The following CACNA1A variants were observed in gnomAD, a reference collection of about 807,000 sequenced individuals.
CACNA1A encodes voltage-dependent P/Q-type calcium channel subunit alpha-1A.
In CACNA1A, 57 loss-of-function variants were observed where a neutral mutation model predicts 262.4. The observed-to-expected ratio is 0.22, with a 90% confidence interval of 0.18 to 0.27. CACNA1A has a LOEUF of 0.27. CACNA1A is among the 10% of genes least tolerant of loss of function. CACNA1A has a pLI of 1.00. For synonymous variants in CACNA1A, 1,431 were observed against 1,419.3 expected, an observed-to-expected ratio of 1.01 and a Z score of -0.18; for missense variants, 2,526 against 3,562.8, an observed-to-expected ratio of 0.71 and a Z score of 7.41.
intron 3 of CACNA1A, among the ~76,000 whole-genome samples, chr19:13,390,733 T>C (rs891514061): frequency 2.6e-5 from 4 of 152,144 alleles, no homozygotes; most frequent in African/African-American, 7.2e-5. Context: ...TATTAACTCA[T>C]TCAAAACTCA....
Position 13,360,263 on chromosome 19 carries a change from G to GTATA in CACNA1A, c.785-465_785-464insTATA, listed in dbSNP as rs1194785047. Among the ~76,000 whole-genome samples, 16 of 66,274 alleles carry GTATA rather than the reference G, an allele frequency of 2.4e-4. 1 individual carries two copies. In the East Asian group the frequency reaches 0.015, roughly 60 times the overall value. 43.5% of individuals were successfully genotyped at this position (66,274 alleles called of 152,430 possible). ...TTATTAGGTGTCTGTGTGTGTGTGT[G>GTATA]TGTATATATATATATATATATATGA... On this transcript the variant is annotated intron_variant, in intron 5 of 46. Transcript: ENST00000360228.
chr19:13,487,123 C>T (rs144750401), intron 1 of CACNA1A, among the ~76,000 whole-genome samples: 55 of 152,356 alleles, frequency 3.6e-4, no homozygotes, highest in African/African-American at 1.3e-3. Context: ...CTCTCCCCAT[C>T]ATTAATTTCA....
intron 38 of CACNA1A, among the ~76,000 whole-genome samples, chr19:13,220,711 G>A (rs2055189001): frequency 6.6e-6 from 1 of 152,052 alleles, no homozygotes; most frequent in African/African-American, 2.4e-5. Flanking sequence ...CTGCAGCCTT[G>A]ACATCCCAGT....
intron 3 of CACNA1A, among the ~76,000 whole-genome samples, chr19:13,424,634 AACTT>A (rs2060370726): frequency 6.6e-6 from 1 of 151,242 alleles, no homozygotes; most frequent in Non-Finnish European, 1.5e-5. Context: ...CATGCACACT[AACTT>A]ATTTTATTTT....
At position 13,332,817 on chromosome 19, in the gene CACNA1A, C is replaced by G; in HGVS notation, c.1255+52G>C. The G allele has an allele frequency of 2.4e-6, 3 of 1,245,852 alleles. No homozygotes were observed. In the East Asian group the frequency reaches 7.0e-5, roughly 29 times the overall value. The allele number at this position is 1,245,852 out of a possible 1,614,324, so 77.2% of individuals were successfully genotyped here. ...GCTCTCCCCCGACTCCCCACCACAG[C>G]TTCTCCCTTCTCCCCTGGGACCCAC... On this transcript the variant is annotated intron_variant, in intron 9 of 46. Coordinates refer to ENST00000360228, the MANE Select transcript of CACNA1A (RefSeq NM_001127222.2).
chr19:13,372,520 A>G (rs1393549542), intron 3 of CACNA1A, among the ~76,000 whole-genome samples: 1 of 152,120 alleles, frequency 6.6e-6, no homozygotes, highest in African/African-American at 2.4e-5. Flanking sequence ...CAGTGTTAAG[A>G]GCCCAGCCTG....
chr19:13,207,839 C>A lies in CACNA1A; in HGVS notation c.6995G>T (p.Arg2332Leu). The change falls in exon 47 of 47, where the codon CGG (arginine) becomes CTG (leucine). Residue 2332 changes from arginine to leucine, a missense_variant. By Grantham distance (102) the Arg-to-Leu change is moderately radical (BLOSUM62 -2). Coordinates refer to ENST00000360228, the MANE Select transcript of CACNA1A (RefSeq NM_001127222.2). The surrounding 1 kb of genome is among the most constrained non-coding windows in gnomAD (Gnocchi z 5.7). Reference protein sequence around the residue: ...QQQQAVARPGRAATSGPRRYP... With the variant: ...QQQQAVARPGLAATSGPRRYP... The stretch of plus-strand genomic sequence containing the variant: ...CCTCCGAGGGCCGCTGGTGGCCGCC[C>A]GGCCCGGCCTGGCCACCGCCTGCTG... 1 of 1,466,456 alleles carries A rather than the reference C, an allele frequency of 6.8e-7. No individual in the cohort carries two copies. The highest frequency in any genetic ancestry group is 2.9e-5 in the East Asian group (1 of 34,772). 90.8% of individuals were successfully genotyped at this position (1,466,456 alleles called of 1,614,324 possible).
chr19:13,374,618 T>A (rs138955358), intron 3 of CACNA1A, among the ~76,000 whole-genome samples: 58 of 152,256 alleles, frequency 3.8e-4, no homozygotes, highest in African/African-American at 1.4e-3. Flanking sequence ...CTAATTTGGG[T>A]TCCTCAAATT....
At chr19:13,265,396 CT>C (rs1468183956) in intron 24 of CACNA1A, among the ~76,000 whole-genome samples, 1 of 152,202 alleles carries the variant, frequency 6.6e-6, no homozygotes, top group Non-Finnish European at 1.5e-5. Flanking sequence ...ACACCATTTG[CT>C]TTTTAAAGGA....
rs1013980256 is a variant in CACNA1A at position 13,241,599 on chromosome 19, T to G, written c.4950+3583A>C. On this transcript the variant is annotated intron_variant, in intron 31 of 46. Transcript: ENST00000360228. This position sits in a 1 kb window ranked among gnomAD's most constrained non-coding sequence, Gnocchi z 4.0. ...TTGGGGAGGCGTGTTCAGCATTTTT[T>G]AGGTTGATTTGTAACCAGTGCCAAA... The G allele has an allele frequency of 2.0e-4, 193 of 947,470 alleles. No homozygotes were observed. Among genetic ancestry groups the G allele is most frequent in the Non-Finnish European group, 2.8e-4 (173 of 611,356 alleles). The allele number at this position is 947,470 out of a possible 1,614,324, so 58.7% of individuals were successfully genotyped here.
intron 6 of CACNA1A, among the ~76,000 whole-genome samples, chr19:13,344,068 G>T (rs1369893241): frequency 2.6e-5 from 4 of 151,826 alleles, no homozygotes; most frequent in African/African-American, 9.7e-5. Context: ...AAAAAAATTA[G>T]CTGGGTGTGG....
intron 31 of CACNA1A, chr19:13,235,937 G>A (rs2055858179): frequency 2.0e-6 from 1 of 508,148 alleles, no homozygotes; most frequent in African/African-American, 1.9e-5. Context: ...GAGAGGGTGG[G>A]AGGGAGGAAA....
chr19:13,223,699 C>A (rs1476155121), intron 38 of CACNA1A, among the ~76,000 whole-genome samples: 1 of 152,188 alleles, frequency 6.6e-6, no homozygotes, highest in Non-Finnish European at 1.5e-5. Flanking sequence ...CCTGTGTTCA[C>A]CCCTCTGTCA....
intron 31 of CACNA1A, 191 bp from the exon 32 acceptor site, chr19:13,235,921 G>A: frequency 1.8e-6 from 1 of 547,476 alleles, no homozygotes; most frequent in Non-Finnish European, 3.2e-6. Context: ...GAATAATGTT[G>A]GGAGAGAGAG....
chr19:13,498,799 T>C (rs780537630), intron 1 of CACNA1A, among the ~76,000 whole-genome samples: 3 of 152,184 alleles, frequency 2.0e-5, no homozygotes, highest in Non-Finnish European at 4.4e-5. Flanking sequence ...TGCACCATTC[T>C]TCTCTCTCAG....
intron 10 of CACNA1A, among the ~76,000 whole-genome samples, chr19:13,322,688 T>C (rs1481794282): frequency 1.3e-5 from 2 of 151,988 alleles, no homozygotes; most frequent in East Asian, 3.9e-4. Context: ...CTCCACCTCC[T>C]GGGTTTAAGC....
intron 1 of CACNA1A, among the ~76,000 whole-genome samples, chr19:13,470,781 G>A (rs72999659): frequency 0.028 from 4,287 of 152,284 alleles, 88 homozygotes; most frequent in Middle Eastern, 0.058. Context: ...AGAGGAGGGG[G>A]AGTTGGGGCA....
chr19:13,377,291 G>A lies in CACNA1A; in HGVS notation c.540-5512C>T, dbSNP rs574267963. ...AAAAGATTTCTTTCAAAATATTACT[G>A]CTGACAATGCACTGGTTATCCAGGA... On this transcript the variant is annotated intron_variant, in intron 3 of 46. Transcript: ENST00000360228. 1.1e-4 allele frequency among the ~76,000 whole-genome samples: 16 copies of A among 151,812 alleles called. No individual in the cohort carries two copies. In the South Asian group the frequency reaches 3.3e-3, roughly 32 times the overall value.
At chr19:13,331,801 TA>T (rs2058473612) in intron 9 of CACNA1A, among the ~76,000 whole-genome samples, 1 of 150,638 alleles carries the variant, frequency 6.6e-6, no homozygotes, top group Admixed American at 6.6e-5. Context: ...GCTGGGACCA[TA>T]GGTGCGTGTG....
Sources: gnomAD v4.1 joint callset for allele counts (sites outside exome capture counted in the v4.1 genomes callset) on GRCh38, gnomAD v4.1.1 for gene constraint, Gnocchi (gnomAD v3.1) non-coding constraint, MANE v1.5 for transcripts, NCBI Gene and HGNC (gene_info 2026-07-23, HGNC 2026-07-21) for gene names.